The following RYR2 variants were observed in gnomAD, a reference collection of about 807,000 sequenced individuals.
The protein encoded by RYR2 is ryanodine receptor 2.
A neutral mutation model predicts 601.1 loss-of-function variants in RYR2; 227 were observed. The ratio of observed to expected loss-of-function variants is 0.38; its 90% CI spans 0.34 to 0.42. The LOEUF is 0.42. RYR2 is among the 10% of genes least tolerant of loss of function. RYR2 has a pLI of 1.00. For missense variants in RYR2, 4,646 were observed against 6,156.5 expected, an observed-to-expected ratio of 0.75 and a Z score of 8.21; for synonymous variants, 2,223 against 2,175.1, an observed-to-expected ratio of 1.02 and a Z score of -0.61.
At chr1:237,382,930 A>G (rs1437443938) in intron 8 of RYR2, among the ~76,000 whole-genome samples, 2 of 148,738 alleles carry the variant, frequency 1.3e-5, no homozygotes, top group Non-Finnish European at 3.0e-5. Flanking sequence ...TTTTTTTCAG[A>G]AGAAAAAACT....
chr1:237,270,480 T>C lies in RYR2; in HGVS notation c.49-17T>C. 1 of 1,562,688 alleles carries C rather than the reference T, an allele frequency of 6.4e-7. No individual in the cohort carries two copies. The highest frequency in any genetic ancestry group is 1.2e-5 in the South Asian group (1 of 84,720). On this transcript the variant is annotated splice_polypyrimidine_tract_variant and intron_variant, in intron 1 of 104. Transcript: ENST00000366574. ...CACGTCTCACTTATTTTTCCCTCTC[T>C]TTCTCCCCCTTTGCAGGATGATGAA...
At chr1:237,759,361 C>T (rs186413799) in intron 82 of RYR2, among the ~76,000 whole-genome samples, 22 of 152,230 alleles carry the variant, frequency 1.4e-4, no homozygotes, top group Non-Finnish European at 3.1e-4. Flanking sequence ...GCTGGGATTA[C>T]GGGTGTGAAC....
At chr1:237,755,243 C>T in intron 80 of RYR2, 1 of 423,506 alleles carries the variant, frequency 2.4e-6, no homozygotes, top group South Asian at 2.4e-5. Context: ...AACTAGCAAG[C>T]CTTCATTTTT....
intron 41 of RYR2, among the ~76,000 whole-genome samples, chr1:237,630,063 G>A (rs1358101805): frequency 6.6e-6 from 1 of 152,072 alleles, no homozygotes; most frequent in Non-Finnish European, 1.5e-5. Context: ...AAATGAAAAA[G>A]AAAGCCTTCC....
At chr1:237,117,283 G>A (rs1670181583) in intron 1 of RYR2, among the ~76,000 whole-genome samples, 1 of 151,994 alleles carries the variant, frequency 6.6e-6, no homozygotes, top group Non-Finnish European at 1.5e-5. Context: ...TGGTGGGAGT[G>A]GGGGATAAGG....
chr1:237,380,422 A>T (rs7414310), intron 8 of RYR2, among the ~76,000 whole-genome samples: 1,291 of 47,906 alleles, frequency 0.027, 94 homozygotes, highest in African/African-American at 0.089. Flanking sequence ...ATATATATAT[A>T]GTAAATACGA....
At chr1:237,573,705 G>A (rs919215911) in intron 29 of RYR2, among the ~76,000 whole-genome samples, 3 of 151,610 alleles carry the variant, frequency 2.0e-5, no homozygotes, top group South Asian at 2.1e-4. Context: ...CCAGCTACTC[G>A]GGAGGCTGAG....
chr1:237,605,810 A>G (rs563462527), intron 35 of RYR2, among the ~76,000 whole-genome samples: 4,127 of 152,162 alleles, frequency 0.027, 195 homozygotes, highest in African/African-American at 0.094. Context: ...GTGAACTCCC[A>G]TTCACAATTG....
intron 2 of RYR2, among the ~76,000 whole-genome samples, chr1:237,312,385 T>A (rs1572565203): frequency 6.6e-6 from 1 of 152,346 alleles, no homozygotes; most frequent in African/African-American, 2.4e-5. Flanking sequence ...CTGTGGACTG[T>A]CTTCTTGTAA....
At position 237,493,186 on chromosome 1, in the gene RYR2, G is replaced by T; in HGVS notation, c.1961+99G>T. 5 of 1,296,916 alleles carry T rather than the reference G, an allele frequency of 3.9e-6. No individual in the cohort carries two copies. In the South Asian group the frequency reaches 6.4e-5, roughly 17 times the overall value. 80.3% of individuals were successfully genotyped at this position (1,296,916 alleles called of 1,614,324 possible). Reference sequence around the variant, plus strand: ...ACTATATGGTCTGTTTTTTAAATTAGACCATATAGTATTATTTTCTGTATT... The same window carrying T: ...ACTATATGGTCTGTTTTTTAAATTATACCATATAGTATTATTTTCTGTATT... On this transcript the variant is annotated intron_variant, in intron 19 of 104. Coordinates refer to ENST00000366574, the MANE Select transcript of RYR2 (RefSeq NM_001035.3).
intron 41 of RYR2, among the ~76,000 whole-genome samples, chr1:237,629,471 C>T (rs1437924625): frequency 6.6e-6 from 1 of 150,786 alleles, no homozygotes; most frequent in African/African-American, 2.4e-5. Context: ...AAGAACAATA[C>T]CTAAACATAA....
chr1:237,795,147 A>ATGTT (rs1658951107), intron 95 of RYR2, 142 bp from the exon 96 acceptor site: 1 of 473,298 alleles, frequency 2.1e-6, no homozygotes, highest in Non-Finnish European at 3.8e-6. Context: ...AAATTATGTG[A>ATGTT]TGTTAGCCAA....
In RYR2 at chr1:237,792,398, CGTGTGT is replaced by C. The variant is rs71162418; in HGVS notation, c.13782+96_13782+101del. 1,269 of 487,218 alleles carry C rather than the reference CGTGTGT, an allele frequency of 2.6e-3. 4 individuals carry two copies. The highest frequency in any genetic ancestry group is 0.02 in the Middle Eastern group (36 of 1,768). The allele number at this position is 487,218 out of a possible 1,614,324, so 30.2% of individuals were successfully genotyped here. On this transcript the variant is annotated intron_variant, in intron 94 of 104. Coordinates refer to ENST00000366574, the MANE Select transcript of RYR2 (RefSeq NM_001035.3). ...GTGTGTGTGCGTGTGTGTGTGTGTG[CGTGTGT>C]GTGTGTGTGTGTGTGTGTGTTTTGC... is the stretch of plus-strand genomic sequence containing the variant.
chr1:237,445,077 G>A (rs1276197024), intron 13 of RYR2, among the ~76,000 whole-genome samples: 3 of 152,160 alleles, frequency 2.0e-5, no homozygotes, highest in African/African-American at 4.8e-5. Context: ...GATGGGCAAG[G>A]TGATGGGGGC....
intron 1 of RYR2, among the ~76,000 whole-genome samples, chr1:237,162,897 G>A (rs1353350326): frequency 6.6e-6 from 1 of 152,068 alleles, no homozygotes; most frequent in African/African-American, 2.4e-5. Flanking sequence ...TGTTACAAAA[G>A]GGTGGCTACT....
At chr1:237,682,280 A>G (rs1028316978) in intron 62 of RYR2, among the ~76,000 whole-genome samples, 6 of 152,274 alleles carry the variant, frequency 3.9e-5, no homozygotes, top group African/African-American at 1.4e-4. Flanking sequence ...TGTATCCCTC[A>G]TAGAATAAAT....
chr1:237,553,165 T>G lies in RYR2; in HGVS notation c.3214+2474T>G, dbSNP rs946342782. On this transcript the variant is annotated intron_variant, in intron 27 of 104. Coordinates refer to ENST00000366574, the MANE Select transcript of RYR2 (RefSeq NM_001035.3). ...TTTGCCTATGCAAAAACAAAAATAT[T>G]GTCTCTTATGTTTCCTTCCAGAGTT... 1.1e-4 allele frequency among the ~76,000 whole-genome samples: 16 copies of G among 152,080 alleles called. 1 individual carries two copies.
At chr1:237,431,973 T>G (rs1472997109) in intron 12 of RYR2, among the ~76,000 whole-genome samples, 1 of 152,186 alleles carries the variant, frequency 6.6e-6, no homozygotes, top group Non-Finnish European at 1.5e-5. Context: ...ATATCTTATT[T>G]TATATTCTGT....
At chr1:237,681,249 C>T (rs191202067) in intron 62 of RYR2, among the ~76,000 whole-genome samples, 1 of 152,122 alleles carries the variant, frequency 6.6e-6, no homozygotes, top group Non-Finnish European at 1.5e-5. Context: ...TGTATCGGAA[C>T]AAAATTTCTA....
Sources: allele counts gnomAD v4.1 joint callset (sites outside exome capture counted in the v4.1 genomes callset), GRCh38; gene constraint gnomAD v4.1.1; transcripts MANE v1.5; gene names NCBI Gene and HGNC (gene_info 2026-07-23, HGNC 2026-07-21).